The following ERC1 variants were observed in gnomAD, a reference collection of about 807,000 sequenced individuals.
ERC1 encodes ELKS/RAB6-interacting/CAST family member 1, also known as RAB6 interacting protein 2.
A neutral mutation model predicts 132.0 loss-of-function variants in ERC1; 56 were observed. The ratio of observed to expected loss-of-function variants is 0.42; its 90% CI spans 0.34 to 0.53. The LOEUF (loss-of-function observed/expected upper bound fraction) is 0.53, where lower values mean the gene tolerates loss of function less well. Among genes scored for constraint, ERC1 ranks in the 20% least tolerant of loss-of-function variants. The pLI, the probability that ERC1 is intolerant of heterozygous loss-of-function variation, is 0.03. For missense variants in ERC1, 1,202 were observed against 1,349.9 expected (o/e 0.89, Z 1.72); for synonymous variants, 478 against 476.1 (o/e 1.00, Z -0.05).
intron 3 of ERC1, among the ~76,000 whole-genome samples, chr12:1,101,432 G>T (rs1944647565): frequency 6.6e-6 from 1 of 152,232 alleles, no homozygotes; most frequent in Non-Finnish European, 1.5e-5. Flanking sequence ...AGCCTCTGCT[G>T]TTGGTGTGTC....
intron 15 of ERC1, among the ~76,000 whole-genome samples, chr12:1,362,497 A>C (rs2086234237): frequency 6.6e-6 from 1 of 152,084 alleles, no homozygotes; most frequent in Admixed American, 6.6e-5. Context: ...AGAGCTGGAA[A>C]AGAGGACTCG....
At chr12:1,145,614 T>A (rs1950276536) in intron 8 of ERC1, among the ~76,000 whole-genome samples, 1 of 152,236 alleles carries the variant, frequency 6.6e-6, no homozygotes, top group South Asian at 2.1e-4. Context: ...TTGTTGCATT[T>A]GCTTTTGGGT....
intron 18 of ERC1, among the ~76,000 whole-genome samples, chr12:1,478,106 A>G (rs963002742): frequency 2.0e-5 from 3 of 152,148 alleles, no homozygotes; most frequent in Admixed American, 2.0e-4. Flanking sequence ...TTGGCATTCA[A>G]CTTTAGTAGA....
chr12:1,156,265 G>A (rs1409054479), intron 8 of ERC1, among the ~76,000 whole-genome samples: 1 of 151,908 alleles, frequency 6.6e-6, no homozygotes, highest in South Asian at 2.1e-4. Context: ...TTGAGACAGA[G>A]TCTCACTCTG....
intron 16 of ERC1, among the ~76,000 whole-genome samples, chr12:1,397,554 GAATAATGTATTTAACAT>G (rs907247192): frequency 2.0e-5 from 3 of 152,152 alleles, no homozygotes; most frequent in Non-Finnish European, 2.9e-5. Flanking sequence ...GCAAGATGCA[GAATAATGTATTTAACAT>G]ATTACTTTTT....
At chr12:1,025,476 TTAAG>T (rs1198645722) in intron 1 of ERC1, among the ~76,000 whole-genome samples, 1 of 152,210 alleles carries the variant, frequency 6.6e-6, no homozygotes, top group Non-Finnish European at 1.5e-5. Flanking sequence ...TTTGACATAA[TTAAG>T]TGTGTTGGTT....
intron 2 of ERC1, among the ~76,000 whole-genome samples, chr12:1,040,180 C>A (rs1969936204): frequency 6.6e-6 from 1 of 152,120 alleles, no homozygotes; most frequent in African/African-American, 2.4e-5. Flanking sequence ...AATGTGCTTT[C>A]AGTGAGGAAA....
chr12:1,011,461 C>T (rs1429029764), intron 1 of ERC1, among the ~76,000 whole-genome samples: 1 of 152,176 alleles, frequency 6.6e-6, no homozygotes, highest in African/African-American at 2.4e-5. Context: ...CTACCTTGGC[C>T]TCCCAAAGTG....
intron 18 of ERC1, among the ~76,000 whole-genome samples, chr12:1,451,823 G>A (rs1245667655): frequency 6.6e-6 from 1 of 152,032 alleles, no homozygotes; most frequent in Non-Finnish European, 1.5e-5. Context: ...GTACCTCAAA[G>A]TGTGACGACT....
At chr12:1,379,867 G>A (rs779516631) in intron 16 of ERC1, among the ~76,000 whole-genome samples, 3 of 152,100 alleles carry the variant, frequency 2.0e-5, no homozygotes, top group Non-Finnish European at 4.4e-5. Flanking sequence ...TATAGGAGGG[G>A]ACAGCACAGT....
intron 18 of ERC1, among the ~76,000 whole-genome samples, chr12:1,479,545 C>T (rs1461014413): frequency 2.0e-5 from 3 of 152,160 alleles, no homozygotes; most frequent in Non-Finnish European, 2.9e-5. Flanking sequence ...AAGGAGAGAA[C>T]TCAGAAATGC....
At chr12:1,407,174 G>T (rs1041884544) in intron 16 of ERC1, among the ~76,000 whole-genome samples, 2 of 152,074 alleles carry the variant, frequency 1.3e-5, no homozygotes, top group Non-Finnish European at 1.5e-5. Context: ...AAGACAATGG[G>T]ATTATAGTCC....
rs187254316 is a variant in ERC1, at chr12:1,296,562, C to T, written c.2780+6550C>T. Among the ~76,000 whole-genome samples the T allele has an allele frequency of 3.1e-3, 475 of 151,810 alleles. 3 individuals are homozygous for T. The highest frequency in any genetic ancestry group is 7.8e-3 in the Admixed American group (119 of 15,264). ...CCGAGTAGCTGGGATTACAGGCATGCGCCATCACAGCCAGCTAATTTTGTA... is the reference window on the plus strand; with the variant it reads ...CCGAGTAGCTGGGATTACAGGCATGTGCCATCACAGCCAGCTAATTTTGTA... On this transcript the variant is annotated intron_variant, in intron 15 of 18. Transcript: ENST00000360905.
At chr12:1,248,903 G>A (rs1808613511) in intron 13 of ERC1, among the ~76,000 whole-genome samples, 1 of 152,082 alleles carries the variant, frequency 6.6e-6, no homozygotes, top group Admixed American at 6.5e-5. Context: ...AAAATTTTTG[G>A]AGACAGACTC....
At chr12:1,386,652 A>AG (rs2089400076) in intron 16 of ERC1, 1 of 17,732 alleles carries the variant, frequency 5.6e-5, no homozygotes. Context: ...ACTTCGTCTC[A>AG]AAAAAAAAAA....
chr12:1,045,027 ACT>A (rs1970864072), intron 2 of ERC1, among the ~76,000 whole-genome samples: 1 of 152,062 alleles, frequency 6.6e-6, no homozygotes, highest in South Asian at 2.1e-4. Flanking sequence ...TGGGCCCAAA[ACT>A]CTCCACAAAT....
Position 1,306,241 on chromosome 12 carries a change from C to T in ERC1, c.2780+16229C>T, listed in dbSNP as rs184482764. Among the ~76,000 whole-genome samples the T allele has an allele frequency of 7.2e-3, 1,092 of 152,278 alleles. 5 individuals carry two copies. Among genetic ancestry groups the T allele is most frequent in the Admixed American group, 0.011 (169 of 15,292 alleles). On this transcript the variant is annotated intron_variant, in intron 15 of 18. Coordinates refer to ENST00000360905, the MANE Select transcript of ERC1 (RefSeq NM_178040.4). ...TCTCTAAGCTCTAGGAGCAGACTTA[C>T]AGAGGGAGCATACTGTACTATTTAA...
intron 15 of ERC1, among the ~76,000 whole-genome samples, chr12:1,306,475 AT>A (rs781562560): frequency 5.7e-4 from 87 of 152,326 alleles, no homozygotes; most frequent in Middle Eastern, 6.8e-3. Flanking sequence ...GTAAAACTGT[AT>A]TGGAAAACAT....
chr12:1,310,870 G>C (rs2154349806), intron 15 of ERC1, among the ~76,000 whole-genome samples: 1 of 152,382 alleles, frequency 6.6e-6, no homozygotes, highest in South Asian at 2.1e-4. Flanking sequence ...CAGCACAGCT[G>C]CATAACTGCA....
Sources: gnomAD v4.1 joint callset for allele counts (sites outside exome capture counted in the v4.1 genomes callset) on GRCh38, gnomAD v4.1.1 for gene constraint, MANE v1.5 for transcripts, NCBI Gene and HGNC (gene_info 2026-07-23, HGNC 2026-07-21) for gene names.